Variants in SRGAP3 observed in about 807,000 individuals in gnomAD.
The protein encoded by SRGAP3 is SLIT-ROBO Rho GTPase-activating protein 3.
SRGAP3 carries 39 observed loss-of-function variants against 121.1 expected under a neutral mutation model. That is an observed-to-expected ratio of 0.32 (90% CI 0.25 to 0.42). SRGAP3 has a LOEUF of 0.42. Among genes scored for constraint, SRGAP3 ranks in the 10% least tolerant of loss-of-function variants. The pLI is 1.00. For synonymous variants in SRGAP3, 601 were observed against 570.0 expected (o/e 1.05, Z -0.77); for missense variants, 1,213 against 1,470.6 (o/e 0.82, Z 2.86).
chr3:9,004,018 G>C (rs1203182566), intron 18 of SRGAP3, among the ~76,000 whole-genome samples: 1 of 152,124 alleles, frequency 6.6e-6, no homozygotes, highest in Non-Finnish European at 1.5e-5. Context: ...AAAACTATTT[G>C]ACTGCATGAA....
chr3:9,249,300 TAC>T lies in SRGAP3; in HGVS notation c.-351_-350del. 1 of 444,630 alleles carries T rather than the reference TAC, an allele frequency of 2.2e-6. No homozygotes were observed. Among genetic ancestry groups the T allele is most frequent in the Non-Finnish European group, 4.2e-6 (1 of 239,000 alleles). The allele number at this position is 444,630 out of a possible 1,614,324, so 27.5% of individuals were successfully genotyped here. A position where few individuals can be genotyped will look rare whatever the true frequency, so the allele number is the denominator to read the frequency against. ...GCGCACTCACACACACATGCACACG[TAC>T]ACACACTCACGCATGCACAGGCACA... On this transcript the variant is annotated 5_prime_UTR_variant, in exon 1 of 22. An upstream open reading frame in the 5' UTR gains an earlier in-frame stop. Transcript: ENST00000383836.
intron 18 of SRGAP3, among the ~76,000 whole-genome samples, chr3:9,009,648 C>T (rs1368425957): frequency 4.6e-5 from 7 of 152,040 alleles, no homozygotes; most frequent in Non-Finnish European, 8.8e-5. Flanking sequence ...TCTACACAGT[C>T]CAGTTTCCCT....
chr3:9,304,224 G>C (rs535698326), intron 3 of SRGAP3, among the ~76,000 whole-genome samples: 1 of 152,176 alleles, frequency 6.6e-6, no homozygotes, highest in Non-Finnish European at 1.5e-5. Context: ...ACCCAGCAGA[G>C]AGCCTGGCAC....
chr3:8,998,933 G>C (rs1942578140), intron 18 of SRGAP3, among the ~76,000 whole-genome samples: 1 of 152,312 alleles, frequency 6.6e-6, no homozygotes, highest in Admixed American at 6.5e-5. Context: ...GCTAACATCT[G>C]AGCTCAGGTC....
chr3:9,329,122 A>G (rs995263916), intron 2 of SRGAP3, among the ~76,000 whole-genome samples: 16 of 152,242 alleles, frequency 1.1e-4, no homozygotes, highest in Admixed American at 4.6e-4. Flanking sequence ...TCCGCGACAC[A>G]GAAAAATGAA....
intron 3 of SRGAP3, among the ~76,000 whole-genome samples, chr3:9,280,177 T>C (rs886652038): frequency 3.9e-5 from 6 of 152,190 alleles, no homozygotes; most frequent in African/African-American, 1.2e-4. Context: ...TAAAGACCAG[T>C]CTGACTCATG....
At position 9,168,540 on chromosome 3, in the gene SRGAP3, C is replaced by T. The variant is rs76643966; in HGVS notation, c.68-43623G>A. Among the ~76,000 whole-genome samples the T allele has an allele frequency of 3.9e-3, 601 of 152,298 alleles. 21 individuals carry two copies. The East Asian group carries it at 0.064, about 16-fold the overall frequency. Reference sequence around the variant, plus strand: ...AATCCTTTGTTTCCATTCACCTGCGCTTTTTAACATCCGCTTAACAACTTT... The same window carrying T: ...AATCCTTTGTTTCCATTCACCTGCGTTTTTTAACATCCGCTTAACAACTTT... On this transcript the variant is annotated intron_variant, in intron 1 of 21. Coordinates refer to ENST00000383836, the MANE Select transcript of SRGAP3 (RefSeq NM_014850.4).
intron 3 of SRGAP3, among the ~76,000 whole-genome samples, chr3:9,301,804 G>C (rs143433614): frequency 2.7e-4 from 41 of 152,386 alleles, no homozygotes; most frequent in African/African-American, 9.9e-4. Context: ...CCTCAACCAT[G>C]AGAGAGGAAC....
chr3:9,034,753 G>A (rs1034398857), intron 11 of SRGAP3: 1 of 152,148 alleles, frequency 6.6e-6, no homozygotes, highest in Admixed American at 6.5e-5. Flanking sequence ...ATGTATGTAT[G>A]TGGGGTGGGA....
rs376152758 is a variant in SRGAP3, at chr3:9,263,684, TC to T, written n.442+62325del. On this transcript the variant is annotated intron_variant and non_coding_transcript_variant, in intron 3 of 3. Transcript: ENST00000490889. Reference sequence around the variant, plus strand: ...AAGCCTCAACCAGGAAAAACTTGAATCCCTGAAGAGACCAATAACAAGTTCT... The same window carrying T: ...AAGCCTCAACCAGGAAAAACTTGAATCCTGAAGAGACCAATAACAAGTTCT... Among the ~76,000 whole-genome samples the T allele has an allele frequency of 2.9e-3, 445 of 152,244 alleles. 1 individual carries two copies. Among genetic ancestry groups the T allele is most frequent in the African/African-American group, 0.01 (419 of 41,536 alleles).
At chr3:9,105,067 G>A (rs377330744) in intron 2 of SRGAP3, among the ~76,000 whole-genome samples, 9 of 152,308 alleles carry the variant, frequency 5.9e-5, no homozygotes, top group African/African-American at 1.4e-4. Flanking sequence ...ACGCCTATGC[G>A]GTTCTACTCT....
chr3:9,229,688 C>T (rs1000649475), intron 1 of SRGAP3, among the ~76,000 whole-genome samples: 5 of 152,160 alleles, frequency 3.3e-5, no homozygotes, highest in Non-Finnish European at 7.3e-5. Flanking sequence ...CCAGTTGGTC[C>T]CTACCCCATT....
intron 14 of SRGAP3, among the ~76,000 whole-genome samples, chr3:9,016,477 T>C (rs1489181761): frequency 6.6e-6 from 1 of 152,216 alleles, no homozygotes; most frequent in Non-Finnish European, 1.5e-5. Flanking sequence ...ACATGGGTGA[T>C]GTTATGGACA....
At position 9,047,592 on chromosome 3, in the gene SRGAP3, G is replaced by A; in HGVS notation, c.1324-117C>T. The A allele has an allele frequency of 5.2e-6, 5 of 965,686 alleles. No homozygotes were observed. In the South Asian group the frequency reaches 6.9e-5, roughly 13 times the overall value. 59.8% of individuals were successfully genotyped at this position (965,686 alleles called of 1,614,324 possible). A position where few individuals can be genotyped will look rare whatever the true frequency, so the allele number is the denominator to read the frequency against. On this transcript the variant is annotated intron_variant, in intron 9 of 21. Transcript: ENST00000383836. ...GAACAGAGATCACGTCACCCGCAGG[G>A]ACCCCGGCGCAGGGAACAGAGAGGC...
At chr3:9,275,970 C>T (rs996499326) in intron 3 of SRGAP3, among the ~76,000 whole-genome samples, 3 of 152,002 alleles carry the variant, frequency 2.0e-5, no homozygotes, top group African/African-American at 7.2e-5. Context: ...GAGGCTGAGG[C>T]AGGGGGATCA....
At chr3:9,038,759 C>T (rs1303651417) in intron 10 of SRGAP3, among the ~76,000 whole-genome samples, 1 of 152,212 alleles carries the variant, frequency 6.6e-6, no homozygotes, top group African/African-American at 2.4e-5. Context: ...TCTCCTTATG[C>T]CCTGGTTCCA....
intron 1 of SRGAP3, among the ~76,000 whole-genome samples, chr3:9,168,917 C>T (rs1160744645): frequency 2.0e-5 from 3 of 152,240 alleles, no homozygotes; most frequent in African/African-American, 7.2e-5. Context: ...CCTGTGGTGC[C>T]TCTCCAGGAG....
At chr3:9,321,024 G>A (rs139441138) in intron 3 of SRGAP3, among the ~76,000 whole-genome samples, 180 of 151,746 alleles carry the variant, frequency 1.2e-3, no homozygotes, top group African/African-American at 4.0e-3. Flanking sequence ...AAAATAGAAC[G>A]TGGTGGAAGT....
rs142186507 is a variant in SRGAP3 at position 9,242,077 on chromosome 3, C to CAA, written c.67+6806_67+6807dup. Reference sequence around the variant, plus strand: ...TGGCTGACAGAATGACACCCTAATTCAAAAAAAAAAAAAAAAAAAAAAGAG... The same window carrying CAA: ...TGGCTGACAGAATGACACCCTAATTCAAAAAAAAAAAAAAAAAAAAAAAAGAG... On this transcript the variant is annotated intron_variant, in intron 1 of 21. Transcript: ENST00000383836. 7.1e-3 allele frequency among the ~76,000 whole-genome samples: 484 copies of CAA among 68,194 alleles called. 8 individuals carry two copies. The highest frequency in any genetic ancestry group is 0.016 in the African/African-American group (323 of 19,766). The allele number at this position is 68,194 out of a possible 152,430, so 44.7% of individuals were successfully genotyped here. A position where few individuals can be genotyped will look rare whatever the true frequency, so the allele number is the denominator to read the frequency against.
Sources: gnomAD v4.1 joint callset for allele counts (sites outside exome capture counted in the v4.1 genomes callset) on GRCh38, gnomAD v4.1.1 for gene constraint, MANE v1.5 for transcripts, NCBI Gene and HGNC (gene_info 2026-07-23, HGNC 2026-07-21) for gene names.